GRIN3A: variants seen among roughly 807,000 people sequenced by gnomAD.
The protein encoded by GRIN3A is glutamate ionotropic receptor NMDA type subunit 3A, also known as glutamate receptor ionotropic, NMDA 3A.
GRIN3A carries 47 observed loss-of-function variants against 92.4 expected under a neutral mutation model. The observed-to-expected ratio is 0.51, with a 90% CI of 0.40 to 0.65. The LOEUF (loss-of-function observed/expected upper bound fraction) is 0.65, where lower values mean the gene tolerates loss of function less well. Ranked by LOEUF, GRIN3A falls within the 30% of genes least tolerant of loss-of-function variation. The pLI is 0.00. For missense variants in GRIN3A, 1,324 were observed against 1,393.1 expected (o/e 0.95, Z 0.79); for synonymous variants, 527 against 540.6 (o/e 0.97, Z 0.35).
intron 3 of GRIN3A, among the ~76,000 whole-genome samples, chr9:101,669,197 C>T (rs10989588): frequency 0.33 from 50,839 of 151,920 alleles, 9,431 homozygotes; most frequent in Non-Finnish European, 0.41. Context: ...TCTAATTGCC[C>T]TGGTCCTTGA....
chr9:101,636,082 C>T (rs1189354761), intron 3 of GRIN3A, among the ~76,000 whole-genome samples: 1 of 152,076 alleles, frequency 6.6e-6, no homozygotes, highest in Non-Finnish European at 1.5e-5. Context: ...GAGGTTTCAC[C>T]ATGTTGACCA....
chr9:101,572,751 C>T lies in GRIN3A; in HGVS notation c.*423G>A. On this transcript the variant is annotated 3_prime_UTR_variant, in exon 9 of 9. Coordinates refer to ENST00000361820, the MANE Select transcript of GRIN3A (RefSeq NM_133445.3). ...GGGGAGTTGTATCAAAAGCTACAAC[C>T]CTAGATAACCTCGTTCTGTGTTACG... 1 of 211,064 alleles carries T rather than the reference C, an allele frequency of 4.7e-6. No individual in the cohort carries two copies. 13.1% of individuals were successfully genotyped at this position (211,064 alleles called of 1,614,324 possible).
intron 5 of GRIN3A, 128 bp downstream of exon 5, chr9:101,623,190 A>G: frequency 2.8e-6 from 2 of 720,852 alleles, no homozygotes; most frequent in Non-Finnish European, 5.1e-6. Flanking sequence ...CTAAGTGCTT[A>G]TGAGTTGAAA....
intron 8 of GRIN3A, among the ~76,000 whole-genome samples, chr9:101,577,329 AT>A (rs1405426932): frequency 6.6e-6 from 1 of 151,950 alleles, no homozygotes; most frequent in Non-Finnish European, 1.5e-5. Flanking sequence ...TCTTACATGT[AT>A]TTTGTACATA....
chr9:101,663,533 A>T (rs907640105), intron 3 of GRIN3A, among the ~76,000 whole-genome samples: 1 of 151,808 alleles, frequency 6.6e-6, no homozygotes, highest in Non-Finnish European at 1.5e-5. Flanking sequence ...TTTGCCTTAG[A>T]GTTATGGCAT....
chr9:101,604,771 T>C (rs1297469009), intron 6 of GRIN3A, among the ~76,000 whole-genome samples: 2 of 152,166 alleles, frequency 1.3e-5, no homozygotes, highest in East Asian at 1.9e-4. Flanking sequence ...GTTTTTAATA[T>C]GAATTAAAGA....
intron 8 of GRIN3A, among the ~76,000 whole-genome samples, chr9:101,577,079 G>A (rs1352154219): frequency 6.6e-6 from 1 of 152,194 alleles, no homozygotes; most frequent in African/African-American, 2.4e-5. Flanking sequence ...CTGGTGTGGT[G>A]AGAGTGAAGA....
rs558477667 is a variant in GRIN3A, at chr9:101,681,063, T to C, written c.1304+5533A>G. Among the ~76,000 whole-genome samples, 6 of 152,302 alleles carry C rather than the reference T, an allele frequency of 3.9e-5. No homozygotes were observed. The South Asian group carries it at 6.2e-4, about 16-fold the overall frequency. The stretch of plus-strand genomic sequence containing the variant: ...TGATGACCAGATTATGACCAACCCA[T>C]GGAGCTTTCTCTGCAGGAACAATGA... On this transcript the variant is annotated intron_variant, in intron 2 of 8. Coordinates refer to ENST00000361820, the MANE Select transcript of GRIN3A (RefSeq NM_133445.3).
At chr9:101,694,704 A>C in intron 1 of GRIN3A, among the ~76,000 whole-genome samples, 1 of 152,170 alleles carries the variant, frequency 6.6e-6, no homozygotes, top group East Asian at 1.9e-4. Context: ...AATGCCACCA[A>C]CATACTTGGG....
At chr9:101,613,689 A>G (rs1289745924) in intron 5 of GRIN3A, among the ~76,000 whole-genome samples, 162 bp from the exon 6 acceptor site, 2 of 152,190 alleles carry the variant, frequency 1.3e-5, no homozygotes, top group East Asian at 3.8e-4. Flanking sequence ...AGTCATGATT[A>G]CCCTTAAATC....
chr9:101,734,937 TA>T (rs1413010833), intron 1 of GRIN3A, among the ~76,000 whole-genome samples: 7 of 151,902 alleles, frequency 4.6e-5, no homozygotes, highest in African/African-American at 1.7e-4. Flanking sequence ...ATTTAATGTG[TA>T]AAATGAGTTT....
At position 101,670,290 on chromosome 9, in the gene GRIN3A, G is replaced by A. The variant is rs1829299576; in HGVS notation, c.2122C>T (p.Arg708Ter). 9 of 1,613,990 alleles carry A rather than the reference G, an allele frequency of 5.6e-6. No individual in the cohort carries two copies. The highest frequency in any genetic ancestry group is 1.1e-5 in the South Asian group (1 of 91,070). Residue 708 changes from arginine to a stop codon, truncating the protein, a stop_gained, in exon 3 of 9, where the codon CGA becomes TGA. Coordinates refer to ENST00000361820, the MANE Select transcript of GRIN3A (RefSeq NM_133445.3). LOFTEE classifies it high-confidence loss of function. ...KSPFGLTPKG[R>*]NRSKVFSFSS... ...AAGGAGAAGACTTTACTTCTATTTC[G>A]CCCCTTGGGAGTCAAACCAAATGGA...
In GRIN3A at chr9:101,654,922, T is replaced by A. The variant is rs1829065226; in HGVS notation, c.2352+15138A>T. Among the ~76,000 whole-genome samples the A allele has an allele frequency of 1.3e-5, 2 of 151,902 alleles. 1 individual carries two copies. Among genetic ancestry groups the A allele is most frequent in the South Asian group, 4.1e-4 (2 of 4,828 alleles). ...TCTGCTATTGTATTCCTAGCCTTTA[T>A]CTTAATGGCAAACAGACAAAATACA... is the stretch of plus-strand genomic sequence containing the variant. On this transcript the variant is annotated intron_variant, in intron 3 of 8. Transcript: ENST00000361820.
At chr9:101,677,996 A>C (rs894333588) in intron 2 of GRIN3A, among the ~76,000 whole-genome samples, 8 of 152,130 alleles carry the variant, frequency 5.3e-5, no homozygotes, top group Non-Finnish European at 1.0e-4. Context: ...CATCTTCCAC[A>C]GAATTGCTGT....
intron 1 of GRIN3A, among the ~76,000 whole-genome samples, chr9:101,713,432 T>C (rs1475155547): frequency 6.6e-6 from 1 of 152,162 alleles, no homozygotes; most frequent in Non-Finnish European, 1.5e-5. Context: ...TGATGCCTTC[T>C]AAGATTTTGA....
intron 3 of GRIN3A, among the ~76,000 whole-genome samples, chr9:101,644,813 C>T (rs1379550502): frequency 1.3e-5 from 2 of 151,852 alleles, no homozygotes; most frequent in Non-Finnish European, 2.9e-5. Context: ...CTCACTTTCT[C>T]TATACCCCCA....
chr9:101,578,358 G>GA (rs925195169), intron 7 of GRIN3A, among the ~76,000 whole-genome samples: 54 of 145,422 alleles, frequency 3.7e-4, no homozygotes, highest in Middle Eastern at 7.3e-3. Flanking sequence ...AACCTATCTA[G>GA]AAAAAAAAAA....
At chr9:101,610,733 G>A (rs1430119292) in intron 6 of GRIN3A, among the ~76,000 whole-genome samples, 1 of 152,104 alleles carries the variant, frequency 6.6e-6, no homozygotes, top group Non-Finnish European at 1.5e-5. Context: ...TCAGTTGGGA[G>A]TTTATAATAT....
chr9:101,729,758 A>G (rs1346281035), intron 1 of GRIN3A, among the ~76,000 whole-genome samples: 1 of 152,136 alleles, frequency 6.6e-6, no homozygotes, highest in East Asian at 1.9e-4. Flanking sequence ...ATAAGCTCAT[A>G]TCTGTTGTCC....
Sources: allele counts gnomAD v4.1 joint callset (sites outside exome capture counted in the v4.1 genomes callset), GRCh38; gene constraint gnomAD v4.1.1; transcripts MANE v1.5; gene names NCBI Gene and HGNC (gene_info 2026-07-23, HGNC 2026-07-21).